Variants in ACO1 observed in about 807,000 individuals in gnomAD.
ACO1 encodes aconitase 1.
ACO1 carries 78 observed loss-of-function variants against 105.1 expected under a neutral mutation model. The observed-to-expected ratio is 0.74, with a 90% CI of 0.62 to 0.90. The LOEUF (loss-of-function observed/expected upper bound fraction) is 0.90, where lower values mean the gene tolerates loss of function less well. Ranked by LOEUF, ACO1 falls within the 40% of genes least tolerant of loss-of-function variation. ACO1 has a pLI of 0.00. For missense variants in ACO1, 965 were observed against 1,111.1 expected, an observed-to-expected ratio of 0.87 and a Z score of 1.87; for synonymous variants, 364 against 397.4, an observed-to-expected ratio of 0.92 and a Z score of 1.00.
At chr9:32,399,976 T>TTTTG (rs1363413767) in intron 1 of ACO1, among the ~76,000 whole-genome samples, 13 of 133,848 alleles carry the variant, frequency 9.7e-5, no homozygotes, top group Admixed American at 1.5e-4. Flanking sequence ...GTTTTTTTTT[T>TTTTG]TTTTTTTTTT....
In ACO1 at chr9:32,409,012, C is replaced by CT. The variant is rs556631203; in HGVS notation, c.404+368dup. ...TTTTTCATCCACTGGAAGCTTACTCCTTTTTTTGATCCCAAGTAACTGTTG... is the reference window on the plus strand; with the variant it reads ...TTTTTCATCCACTGGAAGCTTACTCCTTTTTTTTGATCCCAAGTAACTGTTG... On this transcript the variant is annotated intron_variant, in intron 4 of 20. Coordinates refer to ENST00000309951, the MANE Select transcript of ACO1 (RefSeq NM_002197.3). Among the ~76,000 whole-genome samples, 161 of 152,220 alleles carry CT rather than the reference C, an allele frequency of 1.1e-3. 2 individuals carry two copies. Among genetic ancestry groups the CT allele is most frequent in the African/African-American group, 3.5e-3 (147 of 41,536 alleles).
At position 32,434,666 on chromosome 9, in the gene ACO1, A is replaced by G. The variant is rs1822315637; in HGVS notation, c.2064A>G (p.Arg688=). Residue 688 remains arginine (R), a synonymous_variant, in exon 17 of 21, where the codon AGA becomes AGG. Coordinates refer to ENST00000309951, the MANE Select transcript of ACO1 (RefSeq NM_002197.3). ...DHISPAGNIA[R]NSPAARYLTN... The stretch of plus-strand genomic sequence containing the variant: ...TCTCCCCAGCTGGAAATATTGCAAG[A>G]AACAGTCCTGCTGCTCGCTACTTAA... The G allele has an allele frequency of 6.2e-7, 1 of 1,614,162 alleles. No individual in the cohort carries two copies. Among genetic ancestry groups the G allele is most frequent in the Non-Finnish European group, 8.5e-7 (1 of 1,179,992 alleles).
At chr9:32,424,434 T>A (rs1822041918) in intron 9 of ACO1, 115 bp from the exon 10 acceptor site, 1 of 677,300 alleles carries the variant, frequency 1.5e-6, no homozygotes, top group African/African-American at 1.8e-5. Context: ...TGGAATGTGG[T>A]AGTTTATTTG....
chr9:32,419,847 G>A (rs1045160106), intron 7 of ACO1, among the ~76,000 whole-genome samples: 8 of 152,150 alleles, frequency 5.3e-5, no homozygotes, highest in Admixed American at 3.9e-4. Flanking sequence ...AGGCCATTTC[G>A]TTTTGGAAGA....
chr9:32,438,382 A>C (rs938735786), intron 18 of ACO1, among the ~76,000 whole-genome samples: 1 of 152,236 alleles, frequency 6.6e-6, no homozygotes, highest in Admixed American at 6.5e-5. Flanking sequence ...CATAGGATCC[A>C]GATGAAGGGA....
chr9:32,401,119 C>CT (rs1345294117), intron 1 of ACO1, among the ~76,000 whole-genome samples: 1 of 152,110 alleles, frequency 6.6e-6, no homozygotes, highest in African/African-American at 2.4e-5. Context: ...TTTGCCCTTA[C>CT]TGTGGCTTTT....
At chr9:32,420,396 T>A (rs898551710) in intron 7 of ACO1, among the ~76,000 whole-genome samples, 3 of 152,242 alleles carry the variant, frequency 2.0e-5, no homozygotes, top group Non-Finnish European at 4.4e-5. Flanking sequence ...CATCTTGAAA[T>A]ATTTTTCTTA....
rs1822428171 is a variant in ACO1 at position 32,439,278 on chromosome 9, G to A, written c.2248-1187G>A. 6.6e-6 allele frequency among the ~76,000 whole-genome samples: 1 copy of A among 152,210 alleles called. No homozygotes were observed. The highest frequency in any genetic ancestry group is 2.4e-5 in the African/African-American group (1 of 41,452). On this transcript the variant is annotated intron_variant, in intron 18 of 20. Coordinates refer to ENST00000309951, the MANE Select transcript of ACO1 (RefSeq NM_002197.3). The surrounding 1 kb of genome is among the most constrained non-coding windows in gnomAD (Gnocchi z 4.0). ...GATCCAGACAATTCAGTTAGAAGAA[G>A]GTTTTCACTGTTTCTATGACAGTTT...
intron 12 of ACO1, among the ~76,000 whole-genome samples, chr9:32,428,017 GTAATA>G (rs1191239412): frequency 2.0e-5 from 3 of 151,842 alleles, no homozygotes; most frequent in African/African-American, 7.3e-5. Context: ...GCTCACACCT[GTAATA>G]TCAGTGCTTT....
At chr9:32,427,154 A>G in intron 11 of ACO1, 147 bp from the exon 12 acceptor site, 3 of 993,684 alleles carry the variant, frequency 3.0e-6, no homozygotes, top group Non-Finnish European at 4.3e-6. Context: ...TTGGCAGCAG[A>G]AACAGCAGAT....
intron 13 of ACO1, among the ~76,000 whole-genome samples, chr9:32,429,752 AGAT>A (rs1473868836): frequency 6.6e-6 from 1 of 152,228 alleles, no homozygotes; most frequent in Non-Finnish European, 1.5e-5. Context: ...GTGAGAATTA[AGAT>A]GATGATAAAC....
chr9:32,435,579 T>G (rs907975126), intron 17 of ACO1, among the ~76,000 whole-genome samples: 18 of 152,156 alleles, frequency 1.2e-4, no homozygotes, highest in Non-Finnish European at 2.6e-4. Flanking sequence ...CTCAGTGAAC[T>G]GGTCACGGTG....
At chr9:32,417,490 T>C (rs1479976899) in intron 4 of ACO1, among the ~76,000 whole-genome samples, 1 of 152,216 alleles carries the variant, frequency 6.6e-6, no homozygotes, top group East Asian at 1.9e-4. Flanking sequence ...AACAATGCAG[T>C]TTGATTTTTA....
intron 19 of ACO1, among the ~76,000 whole-genome samples, chr9:32,442,733 T>C (rs1161269510): frequency 6.6e-6 from 1 of 152,220 alleles, no homozygotes; most frequent in Non-Finnish European, 1.5e-5. Context: ...AATTTTATGT[T>C]GTTTTGTGAT....
rs1359156435 is a variant in ACO1 at position 32,419,158 on chromosome 9, T to A, written c.779T>A (p.Ile260Asn). Residue 260 changes from isoleucine to asparagine, a missense_variant, in exon 7 of 21, where the codon ATC (isoleucine) becomes AAC (asparagine). Coordinates refer to ENST00000309951, the MANE Select transcript of ACO1 (RefSeq NM_002197.3). ...CACCCTCTGGTAACATCCACTGACA[T>A]CGTGCTCACCATTACCAAGGTAACA... ...KPHPLVTSTDIVLTITKHLRQ... is the reference protein window; with the variant it reads ...KPHPLVTSTDNVLTITKHLRQ... The A allele has an allele frequency of 6.3e-7, 1 of 1,599,674 alleles. No individual in the cohort carries two copies.
chr9:32,424,061 C>T (rs1563939714), intron 9 of ACO1, among the ~76,000 whole-genome samples: 1 of 152,108 alleles, frequency 6.6e-6, no homozygotes, highest in Non-Finnish European at 1.5e-5. Context: ...GCCCTGCGAC[C>T]CATGTTTGGT....
chr9:32,435,986 T>A (rs1393380839), intron 17 of ACO1: 2 of 614,844 alleles, frequency 3.3e-6, no homozygotes, highest in Admixed American at 4.2e-5. Context: ...TAGACTTCCT[T>A]CTTATTTTTC....
intron 18 of ACO1, among the ~76,000 whole-genome samples, chr9:32,437,491 G>A (rs1044360605): frequency 6.6e-6 from 1 of 152,170 alleles, no homozygotes; most frequent in Non-Finnish European, 1.5e-5. Flanking sequence ...AATGTAAAAA[G>A]ATACATGTCG....
chr9:32,412,151 A>C (rs1028509561), intron 4 of ACO1, among the ~76,000 whole-genome samples: 1 of 152,236 alleles, frequency 6.6e-6, no homozygotes, highest in African/African-American at 2.4e-5. Context: ...ATGCTTTATT[A>C]AATTACGGTA....
Sources: allele counts gnomAD v4.1 joint callset (sites outside exome capture counted in the v4.1 genomes callset), GRCh38; gene constraint gnomAD v4.1.1; non-coding constraint Gnocchi (gnomAD v3.1); transcripts MANE v1.5; gene names NCBI Gene and HGNC (gene_info 2026-07-23, HGNC 2026-07-21).